Variants in FAM184B observed in about 807,000 individuals in gnomAD.
FAM184B encodes family with sequence similarity 184 member B.
A neutral mutation model predicts 135.9 loss-of-function variants in FAM184B; 111 were observed. That is an observed-to-expected ratio of 0.82 (90% CI 0.70 to 0.96). FAM184B has a LOEUF of 0.96. Among genes scored for constraint, FAM184B ranks in the 40% least tolerant of loss-of-function variants. FAM184B has a pLI of 0.00. For missense variants in FAM184B, 1,375 were observed against 1,323.9 expected (o/e 1.04, Z -0.60); for synonymous variants, 552 against 524.8 (o/e 1.05, Z -0.71).
intron 8 of FAM184B, 118 bp from the exon 9 acceptor site, chr4:17,660,205 G>T: frequency 8.3e-7 from 1 of 1,211,150 alleles, no homozygotes; most frequent in Non-Finnish European, 1.1e-6. Context: ...GCAGTTAGTG[G>T]GGATTAGAAA....
chr4:17,667,997 C>T (rs992700993), intron 7 of FAM184B, among the ~76,000 whole-genome samples: 1 of 152,232 alleles, frequency 6.6e-6, no homozygotes, highest in East Asian at 1.9e-4. Context: ...TCCTCCCACA[C>T]CTGCCAGATC....
chr4:17,660,389 A>C (rs1715889122), intron 8 of FAM184B, among the ~76,000 whole-genome samples: 1 of 152,144 alleles, frequency 6.6e-6, no homozygotes, highest in African/African-American at 2.4e-5. Flanking sequence ...CAACTGTCAG[A>C]ATGACTGAGA....
At chr4:17,680,241 A>G (rs939403955) in intron 7 of FAM184B, among the ~76,000 whole-genome samples, 1 of 152,204 alleles carries the variant, frequency 6.6e-6, no homozygotes, top group Non-Finnish European at 1.5e-5. Context: ...TTTTGATGTC[A>G]TTAAAAATTA....
intron 1 of FAM184B, among the ~76,000 whole-genome samples, chr4:17,717,194 G>A (rs1717415481): frequency 6.6e-6 from 1 of 152,152 alleles, no homozygotes; most frequent in Non-Finnish European, 1.5e-5. Flanking sequence ...AGAGAATCCA[G>A]GCCCAGTTTT....
chr4:17,635,237 T>C (rs1577239175), intron 15 of FAM184B, 124 bp from the exon 16 acceptor site: 1 of 724,476 alleles, frequency 1.4e-6, no homozygotes, highest in Non-Finnish European at 2.3e-6. Flanking sequence ...GGGAAGTCAG[T>C]GGGAATAAAG....
chr4:17,660,200 T>C (rs1715881618), intron 8 of FAM184B, 113 bp from the exon 9 acceptor site: 2 of 1,233,150 alleles, frequency 1.6e-6, no homozygotes, highest in East Asian at 5.1e-5. Context: ...CGATAGCAGT[T>C]AGTGGGGATT....
At chr4:17,637,869 C>T (rs555837794) in intron 14 of FAM184B, among the ~76,000 whole-genome samples, 8 of 152,250 alleles carry the variant, frequency 5.3e-5, no homozygotes, top group African/African-American at 1.9e-4. Context: ...AAAGGCAAGT[C>T]AGGCCATGTC....
At chr4:17,681,412 C>G (rs538364676) in intron 7 of FAM184B, among the ~76,000 whole-genome samples, 1 of 152,340 alleles carries the variant, frequency 6.6e-6, no homozygotes, top group South Asian at 2.1e-4. Flanking sequence ...TTCCCAGGCT[C>G]TACTGCATCT....
chr4:17,635,870 G>A (rs1397575308), intron 15 of FAM184B, among the ~76,000 whole-genome samples: 1 of 152,064 alleles, frequency 6.6e-6, no homozygotes, highest in African/African-American at 2.4e-5. Context: ...CTTAGGGAGT[G>A]GCTTTGCTAA....
intron 11 of FAM184B, among the ~76,000 whole-genome samples, chr4:17,651,878 C>T (rs2108937048): frequency 6.6e-6 from 1 of 152,072 alleles, no homozygotes; most frequent in South Asian, 2.1e-4. Flanking sequence ...ATTGATGTGG[C>T]AACTGAAAAG....
chr4:17,632,616 A>G lies in FAM184B; in HGVS notation c.3099T>C (p.Asp1033=). The G allele has an allele frequency of 6.5e-7, 1 of 1,547,396 alleles. No homozygotes were observed. Among genetic ancestry groups the G allele is most frequent in the Non-Finnish European group, 8.7e-7 (1 of 1,145,572 alleles). The change falls in exon 18 of 18, where the codon GAT becomes GAC. Residue 1033 remains aspartate, a synonymous_variant. Coordinates refer to ENST00000265018, the MANE Select transcript of FAM184B (RefSeq NM_015688.2). The stretch of plus-strand genomic sequence containing the variant: ...CTTCTTTGGCTTGGGCCGTTTCACC[A>G]TCTGGGGTCCTAAAAGCAAAAAAAG... ...TDAKTATRTP[D]GETAQAKEVQ... is the part of the protein sequence containing the mutation.
chr4:17,743,352 A>T (rs1718088674), intron 1 of FAM184B, among the ~76,000 whole-genome samples: 1 of 152,190 alleles, frequency 6.6e-6, no homozygotes, highest in Non-Finnish European at 1.5e-5. Context: ...TCCTCATGAA[A>T]TGAGAAGACC....
chr4:17,765,548 A>C (rs1395621447), intron 1 of FAM184B, among the ~76,000 whole-genome samples: 1 of 152,198 alleles, frequency 6.6e-6, no homozygotes, highest in East Asian at 1.9e-4. Context: ...GCATATCAAA[A>C]TTATAATCCA....
chr4:17,733,067 CA>C (rs1717823635), intron 1 of FAM184B, among the ~76,000 whole-genome samples: 1 of 152,128 alleles, frequency 6.6e-6, no homozygotes, highest in African/African-American at 2.4e-5. Flanking sequence ...AGCATATAAA[CA>C]GAACCAAAGA....
intron 1 of FAM184B, among the ~76,000 whole-genome samples, chr4:17,774,821 T>C (rs1718890122): frequency 6.6e-6 from 1 of 152,194 alleles, no homozygotes; most frequent in Non-Finnish European, 1.5e-5. Flanking sequence ...CATACTCTTT[T>C]ACTCAGAATC....
At chr4:17,659,668 T>A (rs1715867953) in intron 9 of FAM184B, among the ~76,000 whole-genome samples, 1 of 152,080 alleles carries the variant, frequency 6.6e-6, no homozygotes, top group South Asian at 2.1e-4. Flanking sequence ...GTATTTTTAG[T>A]AGAGATGGGG....
chr4:17,665,780 T>C (rs967005226), intron 7 of FAM184B, among the ~76,000 whole-genome samples: 1 of 152,164 alleles, frequency 6.6e-6, no homozygotes, highest in African/African-American at 2.4e-5. Flanking sequence ...GACCTCCACA[T>C]TGCCAAATCC....
In FAM184B at chr4:17,658,279, C is replaced by T. The variant is rs190001640; in HGVS notation, c.2037+71G>A. 1.9e-4 allele frequency: 260 copies of T among 1,339,464 alleles called. No homozygotes were observed. In the African/African-American group the frequency reaches 2.9e-3, roughly 15 times the overall value. 83.0% of individuals were successfully genotyped at this position (1,339,464 alleles called of 1,614,324 possible). ...GATTGGATGTCATGTAGAAAAGGGA[C>T]GGCTTTGTGCATGGCAGTTCTCACC... On this transcript the variant is annotated intron_variant, in intron 10 of 17. Coordinates refer to ENST00000265018, the MANE Select transcript of FAM184B (RefSeq NM_015688.2).
intron 1 of FAM184B, among the ~76,000 whole-genome samples, chr4:17,746,541 G>T (rs1387250747): frequency 1.4e-5 from 2 of 145,972 alleles, no homozygotes; most frequent in Non-Finnish European, 3.0e-5. Context: ...GACCATCCTG[G>T]CTAACACGGT....
Sources: gnomAD v4.1 joint callset for allele counts (sites outside exome capture counted in the v4.1 genomes callset) on GRCh38, gnomAD v4.1.1 for gene constraint, MANE v1.5 for transcripts, NCBI Gene and HGNC (gene_info 2026-07-23, HGNC 2026-07-21) for gene names.